The following ULK4 variants were observed in gnomAD, a reference collection of about 807,000 sequenced individuals.
The protein encoded by ULK4 is unc-51 like kinase 4.
A neutral mutation model predicts 160.6 loss-of-function variants in ULK4; 133 were observed. The ratio of observed to expected loss-of-function variants is 0.83; its 90% CI spans 0.72 to 0.96. The LOEUF is 0.96. ULK4 is among the 40% of genes least tolerant of loss of function. The probability of loss-of-function intolerance (pLI) is 0.00; values close to 1 mark genes in which losing one functional copy is unlikely to be tolerated. For missense variants in ULK4, 1,580 were observed against 1,499.5 expected, an observed-to-expected ratio of 1.05 and a Z score of -0.89; for synonymous variants, 534 against 539.8, an observed-to-expected ratio of 0.99 and a Z score of 0.15.
At chr3:41,357,812 G>A (rs2081057089) in intron 35 of ULK4, among the ~76,000 whole-genome samples, 1 of 152,174 alleles carries the variant, frequency 6.6e-6, no homozygotes, top group Non-Finnish European at 1.5e-5. Flanking sequence ...AACCTACTGT[G>A]GCAGGAGTCA....
chr3:41,875,413 T>A (rs1697261837), intron 17 of ULK4, among the ~76,000 whole-genome samples: 2 of 151,890 alleles, frequency 1.3e-5, no homozygotes, highest in Non-Finnish European at 2.9e-5. Flanking sequence ...AATGATTTTT[T>A]AAAAATTAAA....
intron 17 of ULK4, among the ~76,000 whole-genome samples, chr3:41,861,249 A>G (rs1228553379): frequency 6.6e-6 from 1 of 152,148 alleles, no homozygotes; most frequent in East Asian, 1.9e-4. Flanking sequence ...TGAGTTTTCT[A>G]CCTTCAGATG....
At chr3:41,565,690 T>C (rs946313807) in intron 32 of ULK4, among the ~76,000 whole-genome samples, 1 of 152,164 alleles carries the variant, frequency 6.6e-6, no homozygotes, top group Non-Finnish European at 1.5e-5. Context: ...ACAAAATAGA[T>C]TTCTTTTTGT....
chr3:41,464,620 T>C (rs1047434041), intron 32 of ULK4, among the ~76,000 whole-genome samples: 1 of 152,172 alleles, frequency 6.6e-6, no homozygotes, highest in Non-Finnish European at 1.5e-5. Context: ...AATCAGCACT[T>C]GGCATCTGTG....
At chr3:41,739,893 T>G (rs6779696) in intron 22 of ULK4, among the ~76,000 whole-genome samples, 9,843 of 151,916 alleles carry the variant, frequency 0.065, 1,234 homozygotes, top group African/African-American at 0.22. Flanking sequence ...TGAATATCTA[T>G]TCATATCATT....
At chr3:41,323,007 G>A (rs962494380) in intron 35 of ULK4, among the ~76,000 whole-genome samples, 51 of 151,634 alleles carry the variant, frequency 3.4e-4, no homozygotes, top group African/African-American at 1.2e-3. Flanking sequence ...GCCCAATCTC[G>A]GCTCACCGCA....
At chr3:41,439,445 A>T (rs1376939710) in intron 34 of ULK4, among the ~76,000 whole-genome samples, 1 of 152,220 alleles carries the variant, frequency 6.6e-6, no homozygotes, top group African/African-American at 2.4e-5. Context: ...AATGACCACT[A>T]GGTGAATTCA....
chr3:41,857,587 T>C (rs1030927511), intron 17 of ULK4, among the ~76,000 whole-genome samples: 4 of 152,196 alleles, frequency 2.6e-5, no homozygotes, highest in Admixed American at 2.6e-4. Flanking sequence ...AGTGAAGCCA[T>C]CAGGTTCCTG....
intron 35 of ULK4, among the ~76,000 whole-genome samples, chr3:41,331,033 ACTGCT>A (rs2080431780): frequency 6.6e-6 from 1 of 152,220 alleles, no homozygotes. Context: ...CTTCAAGGCC[ACTGCT>A]CTTGGGCTGT....
intron 30 of ULK4, among the ~76,000 whole-genome samples, chr3:41,635,896 C>T (rs2033933668): frequency 6.6e-6 from 1 of 152,102 alleles, no homozygotes; most frequent in African/African-American, 2.4e-5. Flanking sequence ...AAACATTTTC[C>T]CATGTCATTA....
chr3:41,290,474 T>A (rs1224355807), intron 35 of ULK4, among the ~76,000 whole-genome samples: 2 of 152,176 alleles, frequency 1.3e-5, no homozygotes, highest in Non-Finnish European at 2.9e-5. Flanking sequence ...CCCCTGCTCT[T>A]ACTCTTTAGG....
intron 17 of ULK4, among the ~76,000 whole-genome samples, chr3:41,867,215 T>C (rs1696923438): frequency 6.6e-6 from 1 of 152,228 alleles, no homozygotes; most frequent in Non-Finnish European, 1.5e-5. Flanking sequence ...CTTCTTAAAC[T>C]GGAACTTAAA....
intron 30 of ULK4, among the ~76,000 whole-genome samples, chr3:41,642,032 C>T (rs1201400787): frequency 3.3e-5 from 5 of 151,892 alleles, no homozygotes; most frequent in African/African-American, 4.8e-5. Context: ...CATGCAACCA[C>T]GTCTAGCTAA....
At chr3:41,332,362 T>C (rs2080462440) in intron 35 of ULK4, among the ~76,000 whole-genome samples, 1 of 152,122 alleles carries the variant, frequency 6.6e-6, no homozygotes, top group South Asian at 2.1e-4. Flanking sequence ...TTCTGGAAAA[T>C]AGTTAACTCC....
At chr3:41,362,235 T>C (rs1346807451) in intron 35 of ULK4, among the ~76,000 whole-genome samples, 1 of 152,192 alleles carries the variant, frequency 6.6e-6, no homozygotes, top group East Asian at 1.9e-4. Context: ...CAGTGTAGTG[T>C]TGACTGGAGT....
intron 35 of ULK4, among the ~76,000 whole-genome samples, chr3:41,266,843 C>T (rs984033295): frequency 1.3e-5 from 2 of 152,086 alleles, no homozygotes; most frequent in African/African-American, 4.8e-5. Context: ...TCCAAACAGC[C>T]TCCTTTACTT....
chr3:41,575,622 T>C (rs1264912596), intron 31 of ULK4, among the ~76,000 whole-genome samples: 2 of 152,242 alleles, frequency 1.3e-5, no homozygotes, highest in Admixed American at 6.5e-5. Flanking sequence ...ACAGATACAG[T>C]AGAGGCCCTC....
intron 35 of ULK4, among the ~76,000 whole-genome samples, chr3:41,289,909 CTT>C (rs1374123996): frequency 6.6e-6 from 1 of 151,878 alleles, no homozygotes; most frequent in African/African-American, 2.4e-5. Flanking sequence ...GAGTTTTGCT[CTT>C]GTTGCCCAGG....
At chr3:41,627,957 T>C (rs906650050) in intron 30 of ULK4, among the ~76,000 whole-genome samples, 1 of 152,178 alleles carries the variant, frequency 6.6e-6, no homozygotes, top group Admixed American at 6.5e-5. Flanking sequence ...TGGAACAGAA[T>C]GATACAGCCT....
Sources: gnomAD v4.1 joint callset for allele counts (sites outside exome capture counted in the v4.1 genomes callset) on GRCh38, gnomAD v4.1.1 for gene constraint, MANE v1.5 for transcripts, NCBI Gene and HGNC (gene_info 2026-07-23, HGNC 2026-07-21) for gene names.